The following COL23A1 variants were observed in gnomAD, a reference collection of about 807,000 sequenced individuals.
COL23A1 encodes collagen alpha-1(XXIII) chain.
In COL23A1, 97 loss-of-function variants were observed where a neutral mutation model predicts 99.3. The ratio of observed to expected loss-of-function variants is 0.98; its 90% CI spans 0.83 to 1.16. COL23A1 has a LOEUF of 1.16. COL23A1 is among the 50% of genes most tolerant of loss of function. COL23A1 has a pLI of 0.00. For synonymous variants in COL23A1, 320 were observed against 308.2 expected (o/e 1.04, Z -0.40); for missense variants, 762 against 757.4 (o/e 1.01, Z -0.07).
At chr5:178,530,955 T>C (rs1056250072) in intron 2 of COL23A1, among the ~76,000 whole-genome samples, 1 of 152,126 alleles carries the variant, frequency 6.6e-6, no homozygotes, top group African/African-American at 2.4e-5. Flanking sequence ...GCAACCTCCA[T>C]CTCCTGGGTT....
At chr5:178,246,570 C>G (rs1023134574) in intron 22 of COL23A1, 117 bp from the exon 23 acceptor site, 2 of 1,043,096 alleles carry the variant, frequency 1.9e-6, no homozygotes, top group African/African-American at 3.2e-5. Flanking sequence ...TCGAGGCTCC[C>G]CCAGGCCTGG....
chr5:178,562,045 G>C (rs1469753629), intron 1 of COL23A1: 3 of 531,064 alleles, frequency 5.6e-6, no homozygotes, highest in Non-Finnish European at 1.1e-5. Flanking sequence ...AGTGTGTCTG[G>C]AGTTGGTTCC....
In COL23A1 at chr5:178,281,615, T is replaced by C. The variant is rs1186469855; in HGVS notation, c.441+6709A>G. 2.0e-5 allele frequency among the ~76,000 whole-genome samples: 3 copies of C among 152,194 alleles called. No homozygotes were observed. Among genetic ancestry groups the C allele is most frequent in the Non-Finnish European group, 1.5e-5 (1 of 68,036 alleles). ...GACGCCTGCCAGCCCTCGTTTCTGT[T>C]AGTCATTCAGGCTTCACCAGCAAAT... On this transcript the variant is annotated intron_variant, in intron 5 of 28. Coordinates refer to ENST00000390654, the MANE Select transcript of COL23A1 (RefSeq NM_173465.4). The surrounding 1 kb of genome is among the most constrained non-coding windows in gnomAD (Gnocchi z 4.0).
chr5:178,367,129 T>C (rs1395669709), intron 2 of COL23A1, among the ~76,000 whole-genome samples: 1 of 152,350 alleles, frequency 6.6e-6, no homozygotes, highest in East Asian at 1.9e-4. Flanking sequence ...ACATTTCCTT[T>C]AGCCAAATCG....
At chr5:178,463,967 G>C (rs112020170) in intron 2 of COL23A1, among the ~76,000 whole-genome samples, 7 of 152,272 alleles carry the variant, frequency 4.6e-5, no homozygotes, top group South Asian at 4.1e-4. Flanking sequence ...CCGGGCGTGA[G>C]CACAACCACA....
At chr5:178,461,312 G>A (rs553207117) in intron 2 of COL23A1, among the ~76,000 whole-genome samples, 60 of 152,292 alleles carry the variant, frequency 3.9e-4, no homozygotes, top group African/African-American at 1.4e-3. Flanking sequence ...CCACCACAAG[G>A]GGCAGCCGCG....
chr5:178,561,991 G>C (rs1377212855), intron 1 of COL23A1: 2 of 448,230 alleles, frequency 4.5e-6, no homozygotes, highest in Non-Finnish European at 8.8e-6. Flanking sequence ...AAGAGGCGCA[G>C]AGAGCGAAGC....
intron 27 of COL23A1, 135 bp from the exon 28 acceptor site, chr5:178,239,314 A>T: frequency 1.0e-6 from 1 of 952,944 alleles, no homozygotes; most frequent in Non-Finnish European, 1.7e-6. Flanking sequence ...CCACTGAGGC[A>T]GGGGCACAAT....
At position 178,249,716 on chromosome 5, in the gene COL23A1, A is replaced by ACACACACTCT; in HGVS notation, c.1059+344_1059+345insAGAGTGTGTG. On this transcript the variant is annotated intron_variant, in intron 18 of 28. Transcript: ENST00000390654. ...CACACACACACACACACACACACAC[A>ACACACACTCT]CTCTCTCTCTCTCTCTCTCTCTCTC... is the stretch of plus-strand genomic sequence containing the variant. Among the ~76,000 whole-genome samples, 100 of 92,804 alleles carry ACACACACTCT rather than the reference A, an allele frequency of 1.1e-3. 1 individual carries two copies. The highest frequency in any genetic ancestry group is 4.1e-3 in the African/African-American group (96 of 23,480). The allele number at this position is 92,804 out of a possible 152,430, so 60.9% of individuals were successfully genotyped here.
Position 178,306,016 on chromosome 5 carries a change from T to G in COL23A1, c.406+859A>C, listed in dbSNP as rs1167599766. Among the ~76,000 whole-genome samples, 1 of 151,928 alleles carries G rather than the reference T, an allele frequency of 6.6e-6. No individual in the cohort carries two copies. Among genetic ancestry groups the G allele is most frequent in the East Asian group, 1.9e-4 (1 of 5,152 alleles). The stretch of plus-strand genomic sequence containing the variant: ...GGGGACCCGGAGGAGAGGATGTGGC[T>G]GGAGGCAGGGAGAGGACATGGTCAG... On this transcript the variant is annotated intron_variant, in intron 3 of 28. Transcript: ENST00000390654. The surrounding 1 kb of genome is among the most constrained non-coding windows in gnomAD (Gnocchi z 4.1).
intron 2 of COL23A1, among the ~76,000 whole-genome samples, chr5:178,516,515 T>A (rs1759525432): frequency 6.6e-6 from 1 of 152,100 alleles, no homozygotes; most frequent in Non-Finnish European, 1.5e-5. Flanking sequence ...CCTCCAAGCA[T>A]CCCTGACCTG....
chr5:178,259,689 G>C (rs1191066684), intron 12 of COL23A1, 32 bp downstream of exon 12: 1 of 1,591,594 alleles, frequency 6.3e-7, no homozygotes, highest in South Asian at 1.1e-5. Context: ...TCCCAACACT[G>C]ACCCGGAAGC....
In COL23A1 at chr5:178,247,397, A is replaced by G. The variant is rs1764760764; in HGVS notation, c.1296+129T>C. On this transcript the variant is annotated intron_variant, in intron 22 of 28. Coordinates refer to ENST00000390654, the MANE Select transcript of COL23A1 (RefSeq NM_173465.4). ...TATGCCCTGGGGACTTGGGACGTTCAGGCGCTGGGAAGACTCAGGGATGGG... is the reference window on the plus strand; with the variant it reads ...TATGCCCTGGGGACTTGGGACGTTCGGGCGCTGGGAAGACTCAGGGATGGG... 5 of 1,033,452 alleles carry G rather than the reference A, an allele frequency of 4.8e-6. No individual in the cohort carries two copies. The African/African-American group carries it at 6.4e-5, about 13-fold the overall frequency. 64.0% of individuals were successfully genotyped at this position (1,033,452 alleles called of 1,614,324 possible).
At chr5:178,414,516 G>A (rs562849136) in intron 2 of COL23A1, among the ~76,000 whole-genome samples, 15 of 152,156 alleles carry the variant, frequency 9.9e-5, no homozygotes, top group African/African-American at 2.9e-4. Flanking sequence ...TCACGCCTGT[G>A]ATCCCAGCAC....
intron 1 of COL23A1, among the ~76,000 whole-genome samples, chr5:178,580,392 G>A (rs893383355): frequency 6.6e-6 from 1 of 150,464 alleles, no homozygotes; most frequent in Non-Finnish European, 1.5e-5. Context: ...GACACACATG[G>A]GACGCACACA....
In COL23A1 at chr5:178,544,392, A is replaced by C. The variant is rs763267215; in HGVS notation, c.361+16290T>G. 1.3e-5 allele frequency among the ~76,000 whole-genome samples: 2 copies of C among 152,142 alleles called. No individual in the cohort carries two copies. Among genetic ancestry groups the C allele is most frequent in the Non-Finnish European group, 2.9e-5 (2 of 68,018 alleles). On this transcript the variant is annotated intron_variant, in intron 2 of 28. Coordinates refer to ENST00000390654, the MANE Select transcript of COL23A1 (RefSeq NM_173465.4). This position sits in a 1 kb window ranked among gnomAD's most constrained non-coding sequence, Gnocchi z 4.4. ...GGAGGACGCAGGCGCAGGGCCGGGG[A>C]GCTGGGAGGCACCACTTTGCCCTCC...
intron 2 of COL23A1, among the ~76,000 whole-genome samples, chr5:178,331,565 G>A (rs923967772): frequency 2.0e-5 from 3 of 152,230 alleles, no homozygotes; most frequent in Admixed American, 2.0e-4. Context: ...GGCCCTCGGG[G>A]CAGGGTGCGG....
chr5:178,357,570 C>T (rs1581216192), intron 2 of COL23A1, among the ~76,000 whole-genome samples: 2 of 152,222 alleles, frequency 1.3e-5, no homozygotes, highest in Non-Finnish European at 2.9e-5. Context: ...AAGAGGCAGG[C>T]GGCCTCCAGG....
intron 2 of COL23A1, among the ~76,000 whole-genome samples, chr5:178,426,444 C>G (rs1291776247): frequency 6.6e-6 from 1 of 152,198 alleles, no homozygotes; most frequent in Non-Finnish European, 1.5e-5. Context: ...CTGGGCCACC[C>G]TGTTTTCGTG....
Sources: gnomAD v4.1 joint callset for allele counts (sites outside exome capture counted in the v4.1 genomes callset) on GRCh38, gnomAD v4.1.1 for gene constraint, Gnocchi (gnomAD v3.1) non-coding constraint, MANE v1.5 for transcripts, NCBI Gene and HGNC (gene_info 2026-07-23, HGNC 2026-07-21) for gene names.